MARCHF1: variants seen among roughly 807,000 people sequenced by gnomAD.
MARCHF1 encodes the protein membrane associated ring-CH-type finger 1.
MARCHF1 carries 40 observed loss-of-function variants against 54.2 expected under a neutral mutation model. That is an observed-to-expected ratio of 0.74 (90% CI 0.57 to 0.96). The LOEUF is 0.96. MARCHF1 is among the 40% of genes least tolerant of loss of function. MARCHF1 has a pLI of 0.00. For synonymous variants in MARCHF1, 236 were observed against 236.3 expected, an observed-to-expected ratio of 1.00 and a Z score of 0.01; for missense variants, 586 against 656.5, an observed-to-expected ratio of 0.89 and a Z score of 1.17.
intron 5 of MARCHF1, among the ~76,000 whole-genome samples, chr4:163,657,190 T>A (rs1344527916): frequency 6.6e-6 from 1 of 152,126 alleles, no homozygotes; most frequent in African/African-American, 2.4e-5. Context: ...CTTCTTAAGC[T>A]GATAAGCAAA....
intron 2 of MARCHF1, among the ~76,000 whole-genome samples, chr4:164,070,785 C>T (rs1754846738): frequency 6.6e-6 from 1 of 152,198 alleles, no homozygotes; most frequent in Non-Finnish European, 1.5e-5. Flanking sequence ...AATTCATTCT[C>T]TTAAAATATT....
chr4:163,808,096 G>T (rs1355977745), intron 4 of MARCHF1, among the ~76,000 whole-genome samples: 5 of 152,092 alleles, frequency 3.3e-5, no homozygotes, highest in Non-Finnish European at 7.4e-5. Flanking sequence ...TATTTTGAGA[G>T]AAAACAATTA....
intron 5 of MARCHF1, among the ~76,000 whole-genome samples, chr4:163,688,208 G>T (rs1035070024): frequency 6.7e-6 from 1 of 148,696 alleles, no homozygotes; most frequent in African/African-American, 2.5e-5. Flanking sequence ...TAACAAAAAA[G>T]AAAAAAAAAG....
intron 3 of MARCHF1, among the ~76,000 whole-genome samples, chr4:163,894,699 ATG>A: frequency 2.3e-5 from 1 of 43,676 alleles, no homozygotes; most frequent in African/African-American, 8.4e-5. Context: ...GCATATATAT[ATG>A]CATGTGATGC....
intron 1 of MARCHF1, among the ~76,000 whole-genome samples, chr4:164,282,200 A>T (rs1468131343): frequency 1.3e-5 from 2 of 150,660 alleles, no homozygotes; most frequent in African/African-American, 4.9e-5. Flanking sequence ...CTTCTGTATC[A>T]TTTGACTCCT....
intron 8 of MARCHF1, among the ~76,000 whole-genome samples, chr4:163,573,141 G>A (rs1256012170): frequency 2.6e-5 from 4 of 151,892 alleles, no homozygotes; most frequent in Admixed American, 1.3e-4. Context: ...TACTTATTTT[G>A]CTACACTGAT....
chr4:164,310,385 G>A (rs1560997338), intron 1 of MARCHF1, among the ~76,000 whole-genome samples: 2 of 152,060 alleles, frequency 1.3e-5, no homozygotes, highest in Admixed American at 1.3e-4. Flanking sequence ...CACATGAGAT[G>A]TTTTGATGGA....
At chr4:163,858,317 CACAGGAA>C (rs1386549333) in intron 3 of MARCHF1, among the ~76,000 whole-genome samples, 2 of 152,076 alleles carry the variant, frequency 1.3e-5, no homozygotes, top group Non-Finnish European at 2.9e-5. Flanking sequence ...ATTTGTTTGC[CACAGGAA>C]AATGCAGTTG....
intron 1 of MARCHF1, among the ~76,000 whole-genome samples, chr4:164,305,399 AG>A (rs1437887251): frequency 3.3e-5 from 5 of 152,200 alleles, no homozygotes; most frequent in African/African-American, 1.2e-4. Context: ...GTAAAAGATT[AG>A]ATGCAGGAGA....
intron 1 of MARCHF1, among the ~76,000 whole-genome samples, chr4:164,284,056 C>T (rs972806911): frequency 2.0e-5 from 3 of 150,800 alleles, no homozygotes; most frequent in African/African-American, 7.3e-5. Flanking sequence ...GAGGTCAATT[C>T]CATTGGAGCA....
intron 3 of MARCHF1, among the ~76,000 whole-genome samples, chr4:163,988,077 A>G (rs775849835): frequency 6.6e-6 from 1 of 152,174 alleles, no homozygotes; most frequent in Non-Finnish European, 1.5e-5. Context: ...TCCCTTTGTT[A>G]AGACAGTTAT....
At chr4:164,093,086 A>G (rs1755337990) in intron 2 of MARCHF1, among the ~76,000 whole-genome samples, 1 of 152,174 alleles carries the variant, frequency 6.6e-6, no homozygotes, top group African/African-American at 2.4e-5. Flanking sequence ...AACAGAAGTG[A>G]GGCCATTAGC....
chr4:164,296,568 C>A (rs1176845365), intron 1 of MARCHF1, among the ~76,000 whole-genome samples: 1 of 152,064 alleles, frequency 6.6e-6, no homozygotes, highest in Non-Finnish European at 1.5e-5. Context: ...CAGTGTTTCA[C>A]CATGTTGGCC....
intron 1 of MARCHF1, among the ~76,000 whole-genome samples, chr4:164,228,783 G>A (rs1449035440): frequency 2.6e-5 from 4 of 152,074 alleles, no homozygotes; most frequent in African/African-American, 9.7e-5. Context: ...TGGCTTTCTC[G>A]ATAAGAGAAA....
intron 5 of MARCHF1, among the ~76,000 whole-genome samples, chr4:163,637,389 C>G (rs1413752549): frequency 6.6e-6 from 1 of 151,890 alleles, no homozygotes; most frequent in East Asian, 1.9e-4. Context: ...TGAACTCAAA[C>G]AAATTTACAA....
At chr4:164,274,829 A>C (rs1293270266) in intron 1 of MARCHF1, among the ~76,000 whole-genome samples, 4 of 150,974 alleles carry the variant, frequency 2.6e-5, no homozygotes, top group Admixed American at 2.6e-4. Flanking sequence ...GGCGCCCGCC[A>C]CTATGCCCTG....
At chr4:163,766,754 T>G (rs1343306353) in intron 4 of MARCHF1, among the ~76,000 whole-genome samples, 1 of 152,210 alleles carries the variant, frequency 6.6e-6, no homozygotes, top group Non-Finnish European at 1.5e-5. Context: ...TTGCTTCATT[T>G]TTTAGAGCTA....
At chr4:164,013,313 G>A (rs1017434488) in intron 2 of MARCHF1, among the ~76,000 whole-genome samples, 11 of 151,872 alleles carry the variant, frequency 7.2e-5, no homozygotes, top group Admixed American at 6.6e-4. Context: ...AAGAATTAAT[G>A]AGCTCAAAGA....
chr4:163,911,970 C>T (rs1751198854), intron 3 of MARCHF1, among the ~76,000 whole-genome samples: 1 of 151,880 alleles, frequency 6.6e-6, no homozygotes, highest in Non-Finnish European at 1.5e-5. Flanking sequence ...ATAAATAGAA[C>T]GATTTAATCA....
Sources: gnomAD v4.1 joint callset for allele counts (sites outside exome capture counted in the v4.1 genomes callset) on GRCh38, gnomAD v4.1.1 for gene constraint, MANE v1.5 for transcripts, NCBI Gene and HGNC (gene_info 2026-07-23, HGNC 2026-07-21) for gene names.